The following KIR2DL3 variants were observed in gnomAD, a reference collection of about 807,000 sequenced individuals.
KIR2DL3 encodes killer cell immunoglobulin-like receptor 2DL3.
Under a neutral mutation model 33.8 loss-of-function variants are expected in KIR2DL3, and 39 were observed. The ratio of observed to expected loss-of-function variants is 1.15; its 90% CI spans 0.89 to 1.51. The LOEUF is 1.51. KIR2DL3 is among the 40% of genes most tolerant of loss of function. The pLI is 0.00. For missense variants in KIR2DL3, 462 were observed against 426.2 expected (o/e 1.08, Z -0.74); for synonymous variants, 174 against 160.2 (o/e 1.09, Z -0.65).
chr19:54,744,671 C>G (rs201571957), intron 4 of KIR2DL3, among the ~76,000 whole-genome samples: 1 of 148,618 alleles, frequency 6.7e-6, no homozygotes, highest in Non-Finnish European at 1.5e-5. Flanking sequence ...GTGCTACAGG[C>G]GCGCACCACC....
chr19:54,750,478 G>A (rs2073247987), intron 5 of KIR2DL3, among the ~76,000 whole-genome samples: 1 of 138,564 alleles, frequency 7.2e-6, no homozygotes, highest in Admixed American at 7.5e-5. Context: ...CTGGCCATTT[G>A]ACATAAGAGA....
intron 1 of KIR2DL3, among the ~76,000 whole-genome samples, chr19:54,738,887 TG>T (rs2070344834): frequency 9.6e-6 from 1 of 103,916 alleles, no homozygotes; most frequent in Admixed American, 1.0e-4. Context: ...GATATGGGCC[TG>T]GAGTGGAGAT....
Position 54,742,155 on chromosome 19 carries a change from G to A in KIR2DL3, c.246G>A (p.Lys82=), listed in dbSNP as rs1555898192. The change falls in exon 3 of 8, where the codon AAG becomes AAA. Residue 82 remains lysine (K), a synonymous_variant. Transcript: ENST00000342376. ...GAGAGCACCATGATGGGGTCTCCAA[G>A]GCCAACTTCTCCATCGGTCCCATGA... ...LIGEHHDGVS[K]ANFSIGPMMQ... 0.13 allele frequency: 147,652 copies of A among 1,125,490 alleles called. 122 individuals carry two copies. Among genetic ancestry groups the A allele is most frequent in the African/African-American group, 0.19 (11,535 of 59,316 alleles). The allele number at this position is 1,125,490 out of a possible 1,614,324, so 69.7% of individuals were successfully genotyped here. A position where few individuals can be genotyped will look rare whatever the true frequency, so the allele number is the denominator to read the frequency against.
At position 54,752,363 on chromosome 19, in the gene KIR2DL3, C is replaced by T; in HGVS notation, c.874-4C>T. On this transcript the variant is annotated splice_region_variant and splice_polypyrimidine_tract_variant and intron_variant, in intron 7 of 7. Coordinates refer to ENST00000342376, the MANE Select transcript of KIR2DL3 (RefSeq NM_015868.3). ...TCCCTCACTCAGCATTTCCCTCTCT[C>T]CAGGACTCTGATGAACAAGACCCTC... 1 of 1,477,092 alleles carries T rather than the reference C, an allele frequency of 6.8e-7. No homozygotes were observed. The highest frequency in any genetic ancestry group is 9.2e-7 in the Non-Finnish European group (1 of 1,083,430). The allele number at this position is 1,477,092 out of a possible 1,614,324, so 91.5% of individuals were successfully genotyped here.
Position 54,750,950 on chromosome 19 carries a change from G to A in KIR2DL3, c.716-699G>A, listed in dbSNP as rs867374910. Among the ~76,000 whole-genome samples, 2 of 133,820 alleles carry A rather than the reference G, an allele frequency of 1.5e-5. 1 individual carries two copies. Among genetic ancestry groups the A allele is most frequent in the African/African-American group, 5.6e-5 (2 of 35,510 alleles). The allele number at this position is 133,820 out of a possible 152,430, so 87.8% of individuals were successfully genotyped here. The stretch of plus-strand genomic sequence containing the variant: ...AGCACTGCATGACGTCCTCCTCCAG[G>A]AAGAACAGGAAGACAGCCCAGGCTG... On this transcript the variant is annotated intron_variant, in intron 5 of 7. Coordinates refer to ENST00000342376, the MANE Select transcript of KIR2DL3 (RefSeq NM_015868.3).
chr19:54,744,989 T>A (rs1568972148), intron 4 of KIR2DL3, among the ~76,000 whole-genome samples: 1 of 129,798 alleles, frequency 7.7e-6, no homozygotes, highest in Non-Finnish European at 1.6e-5. Flanking sequence ...CCCTCCACCC[T>A]TTTATTCCTG....
At chr19:54,750,937 C>G (rs1360985753) in intron 5 of KIR2DL3, among the ~76,000 whole-genome samples, 1 of 133,590 alleles carries the variant, frequency 7.5e-6, no homozygotes, top group Non-Finnish European at 1.6e-5. Flanking sequence ...CACTGCATGA[C>G]GTCCTCCTCC....
At chr19:54,740,048 A>G (rs1449200793) in intron 2 of KIR2DL3, among the ~76,000 whole-genome samples, 1 of 151,662 alleles carries the variant, frequency 6.6e-6, no homozygotes, top group Non-Finnish European at 1.5e-5. Context: ...ATTAAAATCT[A>G]GTAGGAGTCT....
rs1423353390 is a variant in KIR2DL3 at position 54,742,212 on chromosome 19, C to T, written c.303C>T (p.Tyr101=). 293 of 1,614,036 alleles carry T rather than the reference C, an allele frequency of 1.8e-4. No homozygotes were observed. The African/African-American group carries it at 3.0e-3, about 17-fold the overall frequency. ...MQDLAGTYRC[Y]GSVTHSPYQL... ...ACCTTGCAGGGACCTACAGATGCTA[C>T]GGTTCTGTTACTCACTCCCCCTATC... The change falls in exon 3 of 8, where the codon TAC becomes TAT. Residue 101 remains tyrosine (Y), a synonymous_variant. Transcript: ENST00000342376.
At chr19:54,744,117 C>A (rs1341299577) in intron 4 of KIR2DL3, 29 bp downstream of exon 4, 13 of 1,613,338 alleles carry the variant, frequency 8.1e-6, no homozygotes, top group African/African-American at 4.0e-5. Context: ...TGTCTCATGT[C>A]CTATGATCCT....
In KIR2DL3 at chr19:54,752,558, C is replaced by A. The variant is rs1197367750; in HGVS notation, c.*39C>A. The A allele has an allele frequency of 1.4e-6, 2 of 1,461,326 alleles. No individual in the cohort carries two copies. The highest frequency in any genetic ancestry group is 1.9e-6 in the Non-Finnish European group (2 of 1,074,396). The allele number at this position is 1,461,326 out of a possible 1,614,324, so 90.5% of individuals were successfully genotyped here. A position where few individuals can be genotyped will look rare whatever the true frequency, so the allele number is the denominator to read the frequency against. On this transcript the variant is annotated 3_prime_UTR_variant, in exon 8 of 8. Transcript: ENST00000342376. Reference sequence around the variant, plus strand: ...CCTGCCCATGAGCACCACAGTCAGGCCTTGAGGGGATCTTCTAGGGAGACA... The same window carrying A: ...CCTGCCCATGAGCACCACAGTCAGGACTTGAGGGGATCTTCTAGGGAGACA...
Position 54,741,982 on chromosome 19 carries a change from G to C in KIR2DL3, c.73G>C (p.Val25Leu). ...LLQGAWPHEG[V>L]HRKPSLLAHP... ...AAACTCACAACCTCTCTTCCTAGGA[G>C]TCCACAGAAAACCTTCCCTCCTGGC... The change falls in exon 3 of 8, where the codon GTC (valine) becomes CTC (leucine). Residue 25 changes from valine to leucine, a missense_variant and splice_region_variant. By Grantham distance (32) the Val-to-Leu change is conservative. Transcript: ENST00000342376. 2 of 1,601,692 alleles carry C rather than the reference G, an allele frequency of 1.2e-6. No homozygotes were observed. Among genetic ancestry groups the C allele is most frequent in the Non-Finnish European group, 1.7e-6 (2 of 1,171,412 alleles).
At position 54,744,263 on chromosome 19, in the gene KIR2DL3, G is replaced by A. The variant is rs1270393479; in HGVS notation, c.664+175G>A. On this transcript the variant is annotated intron_variant, in intron 4 of 7. Transcript: ENST00000342376. ...AGGGCACCTCCAAACCCTCCTACAC[G>A]GCCTGCATGAAGGCCCGCGGCCAGG... 8.5e-5 allele frequency among the ~76,000 whole-genome samples: 13 copies of A among 152,284 alleles called. No homozygotes were observed. In the South Asian group the frequency reaches 1.4e-3, roughly 17 times the overall value.
At position 54,752,691 on chromosome 19, in the gene KIR2DL3, G is replaced by A. The variant is rs2073670262; in HGVS notation, c.*172G>A. 3.0e-6 allele frequency: 3 copies of A among 994,008 alleles called. 1 individual carries two copies. Among genetic ancestry groups the A allele is most frequent in the African/African-American group, 1.8e-5 (1 of 54,364 alleles). 61.6% of individuals were successfully genotyped at this position (994,008 alleles called of 1,614,324 possible). On this transcript the variant is annotated 3_prime_UTR_variant, in exon 8 of 8. Coordinates refer to ENST00000342376, the MANE Select transcript of KIR2DL3 (RefSeq NM_015868.3). ...TCGCTCTTCCTCACACCACAAATCT[G>A]AACGTGCCTCTCCCTTGCTTACAAA... is the stretch of plus-strand genomic sequence containing the variant.
At chr19:54,749,769 T>A (rs532287865) in intron 5 of KIR2DL3, among the ~76,000 whole-genome samples, 1 of 71,470 alleles carries the variant, frequency 1.4e-5, no homozygotes, top group South Asian at 5.8e-4. Flanking sequence ...CGATGGTGCA[T>A]CCCTGTAATC....
intron 5 of KIR2DL3, among the ~76,000 whole-genome samples, chr19:54,748,233 C>G (rs1353391631): frequency 6.6e-6 from 1 of 151,918 alleles, no homozygotes; most frequent in South Asian, 2.1e-4. Flanking sequence ...TCTCTGAATG[C>G]TGCTCTCCCT....
At chr19:54,745,701 C>T (rs1226910068) in intron 4 of KIR2DL3, among the ~76,000 whole-genome samples, 6 of 151,698 alleles carry the variant, frequency 4.0e-5, no homozygotes, top group South Asian at 4.2e-4. Flanking sequence ...CACTTTTCTC[C>T]GTAAAGGCTG....
chr19:54,742,828 T>C (rs1405479325), intron 3 of KIR2DL3, among the ~76,000 whole-genome samples: 1 of 150,892 alleles, frequency 6.6e-6, no homozygotes, highest in East Asian at 1.9e-4. Flanking sequence ...CCAGACTGGA[T>C]TCTGTGGCTC....
At chr19:54,747,905 G>C (rs1167316133) in intron 5 of KIR2DL3, among the ~76,000 whole-genome samples, 2 of 152,170 alleles carry the variant, frequency 1.3e-5, no homozygotes, top group East Asian at 3.8e-4. Flanking sequence ...CTCAGGCTGT[G>C]CAGTGCGGAA....
Sources: allele counts gnomAD v4.1 joint callset (sites outside exome capture counted in the v4.1 genomes callset), GRCh38; gene constraint gnomAD v4.1.1; transcripts MANE v1.5; gene names NCBI Gene and HGNC (gene_info 2026-07-23, HGNC 2026-07-21).